The following SHROOM3 variants were observed in gnomAD, a reference collection of about 807,000 sequenced individuals.
SHROOM3 encodes the protein protein Shroom3.
SHROOM3 carries 47 observed loss-of-function variants against 138.6 expected under a neutral mutation model. The ratio of observed to expected loss-of-function variants is 0.34; its 90% CI spans 0.27 to 0.43. The LOEUF (loss-of-function observed/expected upper bound fraction) is 0.43, where lower values mean the gene tolerates loss of function less well. SHROOM3 is among the 20% of genes least tolerant of loss of function. The pLI, the probability that SHROOM3 is intolerant of heterozygous loss-of-function variation, is 1.00. For missense variants in SHROOM3, 2,491 were observed against 2,596.5 expected, an observed-to-expected ratio of 0.96 and a Z score of 0.88; for synonymous variants, 1,062 against 1,063.3, an observed-to-expected ratio of 1.00 and a Z score of 0.02.
chr4:76,638,073 A>G (rs1735553552), intron 2 of SHROOM3, among the ~76,000 whole-genome samples: 1 of 152,192 alleles, frequency 6.6e-6, no homozygotes, highest in Admixed American at 6.5e-5. Flanking sequence ...AGGTCAAAGA[A>G]AGCTTTTGCC....
chr4:76,585,430 T>C (rs1327222779), intron 2 of SHROOM3, among the ~76,000 whole-genome samples: 1 of 152,194 alleles, frequency 6.6e-6, no homozygotes, highest in Non-Finnish European at 1.5e-5. Context: ...TTTCTCTCTC[T>C]CTTTGTGTCT....
At chr4:76,678,721 C>T (rs760968845) in intron 2 of SHROOM3, among the ~76,000 whole-genome samples, 10 of 152,124 alleles carry the variant, frequency 6.6e-5, no homozygotes, top group Admixed American at 1.3e-4. Context: ...AGTGCAATGG[C>T]GCGATCCTGG....
chr4:76,631,057 C>T (rs1051559936), intron 2 of SHROOM3, among the ~76,000 whole-genome samples: 8 of 151,960 alleles, frequency 5.3e-5, no homozygotes, highest in Non-Finnish European at 1.2e-4. Flanking sequence ...TAGGGGTATG[C>T]AGACAACAAA....
chr4:76,573,595 C>T (rs562056071), intron 2 of SHROOM3: 8 of 154,456 alleles, frequency 5.2e-5, no homozygotes, highest in East Asian at 3.9e-4. Context: ...AAGTGGTGAG[C>T]GCAGGTCTTT....
intron 2 of SHROOM3, among the ~76,000 whole-genome samples, chr4:76,574,540 A>C (rs527275260): frequency 6.6e-6 from 1 of 152,212 alleles, no homozygotes; most frequent in African/African-American, 2.4e-5. Flanking sequence ...TTCATGCCTA[A>C]ACTCTTATTA....
intron 1 of SHROOM3, among the ~76,000 whole-genome samples, chr4:76,476,110 G>T (rs1399776684): frequency 6.6e-6 from 1 of 152,210 alleles, no homozygotes; most frequent in East Asian, 1.9e-4. Context: ...TGTGCCAGCA[G>T]AATATGTCTA....
intron 1 of SHROOM3, among the ~76,000 whole-genome samples, chr4:76,534,111 GC>G (rs1732889815): frequency 6.6e-6 from 1 of 152,242 alleles, no homozygotes; most frequent in Admixed American, 6.5e-5. Context: ...TGCCTGGTAT[GC>G]AGTAGGCATG....
At chr4:76,482,295 A>G (rs138647661) in intron 1 of SHROOM3, among the ~76,000 whole-genome samples, 11,913 of 152,298 alleles carry the variant, frequency 0.078, 562 homozygotes, top group South Asian at 0.18. Context: ...CTGATAAGCA[A>G]CTTCAGCAAA....
rs1235232811 is a variant in SHROOM3, at chr4:76,756,929, A to C, written c.5190A>C (p.Glu1730Asp). 4 of 1,614,012 alleles carry C rather than the reference A, an allele frequency of 2.5e-6. No homozygotes were observed. The highest frequency in any genetic ancestry group is 3.4e-6 in the Non-Finnish European group (4 of 1,180,014). ...GAACTGTCAGCTCTTCAGGATGTGA[A>C]GGCAAGAGGTAAGTCCCTGGTGATG... ...IQRTVSSSGCEGKRNEDKEAV... is the reference protein window; with the variant it reads ...IQRTVSSSGCDGKRNEDKEAV... The change falls in exon 8 of 11, where the codon GAA becomes GAC. Residue 1730 changes from glutamate to aspartate, a missense_variant. By Grantham distance (45) the Glu-to-Asp change is conservative (BLOSUM62 2). Coordinates refer to ENST00000296043, the MANE Select transcript of SHROOM3 (RefSeq NM_020859.4).
At position 76,754,966 on chromosome 4, in the gene SHROOM3, C is replaced by G; in HGVS notation, c.4483C>G (p.Arg1495Gly). 1 of 1,614,112 alleles carries G rather than the reference C, an allele frequency of 6.2e-7. No homozygotes were observed. Among genetic ancestry groups the G allele is most frequent in the Non-Finnish European group, 8.5e-7 (1 of 1,179,978 alleles). Residue 1495 changes from arginine (R) to glycine (G), a missense_variant, in exon 7 of 11, where the codon CGG becomes GGG. By Grantham distance (125) the Arg-to-Gly change is moderately radical. This residue lies in a region of SHROOM3 where 1,733 missense variants were observed against 1,661.6 expected (regional missense o/e 1.04). Coordinates refer to ENST00000296043, the MANE Select transcript of SHROOM3 (RefSeq NM_020859.4). ...ISLRISESVL[R>G]DSPPPHEDYE... ...CCTCCGAATATCTGAGTCTGTCCTG[C>G]GGGACTCCCCGCCACCTCATGAGGA... is the stretch of plus-strand genomic sequence containing the variant.
intron 2 of SHROOM3, among the ~76,000 whole-genome samples, chr4:76,660,192 T>A (rs1736153937): frequency 6.6e-6 from 1 of 152,114 alleles, no homozygotes; most frequent in African/African-American, 2.4e-5. Flanking sequence ...TCACCATTCA[T>A]CTTTTAGCAA....
chr4:76,597,684 C>A (rs1167312075), intron 2 of SHROOM3, among the ~76,000 whole-genome samples: 1 of 152,032 alleles, frequency 6.6e-6, no homozygotes, highest in Non-Finnish European at 1.5e-5. Context: ...AAGCTGAAAT[C>A]CAAGATGTTT....
intron 1 of SHROOM3, among the ~76,000 whole-genome samples, chr4:76,439,188 C>A (rs1321404018): frequency 6.6e-6 from 1 of 152,106 alleles, no homozygotes. Flanking sequence ...CTCATGGTCC[C>A]CTTCCTCCAT....
chr4:76,685,871 G>A (rs956906949), intron 2 of SHROOM3, among the ~76,000 whole-genome samples: 4 of 152,002 alleles, frequency 2.6e-5, no homozygotes, highest in South Asian at 2.1e-4. Flanking sequence ...CCAGCTACTC[G>A]GGAGGCAGGA....
At chr4:76,540,671 A>C (rs895151070) in intron 1 of SHROOM3, among the ~76,000 whole-genome samples, 1 of 152,312 alleles carries the variant, frequency 6.6e-6, no homozygotes, top group Admixed American at 6.5e-5. Context: ...CTCATAGTTA[A>C]AGCATTTCAT....
intron 3 of SHROOM3, among the ~76,000 whole-genome samples, chr4:76,728,288 G>A (rs900224873): frequency 1.1e-4 from 16 of 152,174 alleles, no homozygotes; most frequent in African/African-American, 2.7e-4. Flanking sequence ...GGAGGGACCC[G>A]GTGGGAGGTA....
intron 1 of SHROOM3, among the ~76,000 whole-genome samples, chr4:76,518,567 T>C (rs1245309661): frequency 7.1e-6 from 1 of 141,080 alleles, no homozygotes; most frequent in Non-Finnish European, 1.5e-5. Context: ...TCCTTCCTTC[T>C]TGCCTGCTTG....
intron 2 of SHROOM3, among the ~76,000 whole-genome samples, chr4:76,594,170 A>G (rs1734333786): frequency 1.3e-5 from 2 of 152,236 alleles, no homozygotes; most frequent in Non-Finnish European, 2.9e-5. Flanking sequence ...ATCTGTCAAC[A>G]GAGTCTGTGC....
chr4:76,477,318 T>C (rs1390971977), intron 1 of SHROOM3, among the ~76,000 whole-genome samples: 1 of 152,106 alleles, frequency 6.6e-6, no homozygotes, highest in African/African-American at 2.4e-5. Flanking sequence ...ACTGGGAACA[T>C]TTCCTAACCA....
Sources: gnomAD v4.1 joint callset for allele counts (sites outside exome capture counted in the v4.1 genomes callset) on GRCh38, gnomAD v4.1.1 for gene constraint, gnomAD v4.1.1 regional missense constraint, MANE v1.5 for transcripts, NCBI Gene and HGNC (gene_info 2026-07-23, HGNC 2026-07-21) for gene names.